The following CPE variants were observed in gnomAD, a reference collection of about 807,000 sequenced individuals.
CPE encodes the protein carbocypeptidase E.
CPE carries 17 observed loss-of-function variants against 53.5 expected under a neutral mutation model. The ratio of observed to expected loss-of-function variants is 0.32; its 90% CI spans 0.22 to 0.48. The LOEUF (loss-of-function observed/expected upper bound fraction) is 0.48. Among genes scored for constraint, CPE ranks in the 20% least tolerant of loss-of-function variants. The pLI is 0.99. For synonymous variants in CPE, 226 were observed against 228.8 expected, an observed-to-expected ratio of 0.99 and a Z score of 0.11; for missense variants, 524 against 614.7, an observed-to-expected ratio of 0.85 and a Z score of 1.56.
chr4:165,496,982 G>A (rs1732713623), intron 8 of CPE, among the ~76,000 whole-genome samples: 1 of 152,142 alleles, frequency 6.6e-6, no homozygotes, highest in Non-Finnish European at 1.5e-5. Flanking sequence ...GAGTGCAGTG[G>A]CACGATCTTG....
rs1579272844 is a variant in CPE, at chr4:165,462,309, A to G, written c.308-2081A>G. On this transcript the variant is annotated intron_variant, in intron 1 of 8. Transcript: ENST00000402744. ...TGGGGGCAAGTGTGGCTTAGTGACT[A>G]TGGGTTTGTTGTTTCTTCTTTAATT... 2.6e-5 allele frequency among the ~76,000 whole-genome samples: 4 copies of G among 152,270 alleles called. No homozygotes were observed. In the South Asian group the frequency reaches 6.2e-4, roughly 24 times the overall value.
intron 1 of CPE, among the ~76,000 whole-genome samples, chr4:165,430,979 C>CT (rs1415583765): frequency 6.6e-6 from 1 of 152,176 alleles, no homozygotes; most frequent in Non-Finnish European, 1.5e-5. Context: ...CTGCTCTTGT[C>CT]TTTTCCAATA....
At chr4:165,403,933 A>G in intron 1 of CPE, 1 of 510,990 alleles carries the variant, frequency 2.0e-6, no homozygotes, top group East Asian at 4.2e-5. Context: ...CACTTTAATC[A>G]GGGAGCAAAC....
At chr4:165,412,898 A>AT (rs1250999718) in intron 1 of CPE, among the ~76,000 whole-genome samples, 2 of 152,182 alleles carry the variant, frequency 1.3e-5, no homozygotes, top group African/African-American at 4.8e-5. Context: ...ATAACCAGTG[A>AT]TTTTCTCGAA....
intron 1 of CPE, among the ~76,000 whole-genome samples, chr4:165,400,103 A>T (rs1047198710): frequency 6.6e-6 from 1 of 152,226 alleles, no homozygotes; most frequent in Non-Finnish European, 1.5e-5. Context: ...ACAGAAATAG[A>T]TCACTTGTGC....
intron 1 of CPE, chr4:165,404,454 C>T: frequency 1.3e-6 from 1 of 769,848 alleles, no homozygotes; most frequent in East Asian, 2.4e-5. Context: ...ATGGAAAAGC[C>T]CTTCCCAGAC....
At chr4:165,454,937 CTCTT>C (rs1392307346) in intron 1 of CPE, among the ~76,000 whole-genome samples, 1 of 152,178 alleles carries the variant, frequency 6.6e-6, no homozygotes, top group Non-Finnish European at 1.5e-5. Context: ...CACAGCTTGT[CTCTT>C]AGATATCTTT....
chr4:165,457,126 C>A (rs1731916135), intron 1 of CPE, among the ~76,000 whole-genome samples: 1 of 152,152 alleles, frequency 6.6e-6, no homozygotes, highest in South Asian at 2.1e-4. Context: ...TTTGGAGAAA[C>A]CAGAAGCCAT....
Position 165,428,397 on chromosome 4 carries a change from G to A in CPE, c.308-35993G>A, listed in dbSNP as rs1381442430. On this transcript the variant is annotated intron_variant, in intron 1 of 8. Coordinates refer to ENST00000402744, the MANE Select transcript of CPE (RefSeq NM_001873.4). ...AAGGTTTAAGTACTCCAATATAGAA[G>A]CAACCAAATAATTGAATTGTTGCTC... is the stretch of plus-strand genomic sequence containing the variant. Among the ~76,000 whole-genome samples the A allele has an allele frequency of 4.0e-5, 6 of 151,418 alleles. No individual in the cohort carries two copies. In the East Asian group the frequency reaches 5.8e-4, roughly 15 times the overall value.
chr4:165,456,506 T>C (rs990645657), intron 1 of CPE, among the ~76,000 whole-genome samples: 3 of 151,636 alleles, frequency 2.0e-5, no homozygotes, highest in African/African-American at 7.3e-5. Flanking sequence ...AATTTCATCT[T>C]TCTTTCTTTG....
At chr4:165,391,572 C>T (rs983978618) in intron 1 of CPE, among the ~76,000 whole-genome samples, 21 of 152,060 alleles carry the variant, frequency 1.4e-4, no homozygotes, top group African/African-American at 4.6e-4. Flanking sequence ...TTTGGAAATT[C>T]CAGGTAGAAA....
At position 165,405,967 on chromosome 4, in the gene CPE, T is replaced by C. The variant is rs958719819; in HGVS notation, c.307+26439T>C. ...TTATGGACTTTTCAAGTTTCTCAAA[T>C]GTTCTCTGTGCTTCTTGTGGTATCT... is the stretch of plus-strand genomic sequence containing the variant. On this transcript the variant is annotated intron_variant, in intron 1 of 8. Coordinates refer to ENST00000402744, the MANE Select transcript of CPE (RefSeq NM_001873.4). 14 of 735,496 alleles carry C rather than the reference T, an allele frequency of 1.9e-5. No individual in the cohort carries two copies. In the African/African-American group the frequency reaches 2.4e-4, roughly 13 times the overall value. 45.6% of individuals were successfully genotyped at this position (735,496 alleles called of 1,614,324 possible). A position where few individuals can be genotyped will look rare whatever the true frequency, so the allele number is the denominator to read the frequency against.
At chr4:165,445,406 C>T (rs578206122) in intron 1 of CPE, among the ~76,000 whole-genome samples, 8 of 150,804 alleles carry the variant, frequency 5.3e-5, no homozygotes, top group East Asian at 1.9e-4. Flanking sequence ...ATACTAATTT[C>T]GCTTTTAGCT....
intron 1 of CPE, among the ~76,000 whole-genome samples, chr4:165,453,136 T>A (rs1163681989): frequency 6.6e-6 from 1 of 151,850 alleles, no homozygotes; most frequent in African/African-American, 2.4e-5. Flanking sequence ...ATTTTTTGTA[T>A]TTTAGTAGAG....
At chr4:165,438,774 G>A (rs781052149) in intron 1 of CPE, among the ~76,000 whole-genome samples, 1 of 152,182 alleles carries the variant, frequency 6.6e-6, no homozygotes, top group Non-Finnish European at 1.5e-5. Context: ...TTCTTTGACT[G>A]GGGCAATACT....
intron 1 of CPE, among the ~76,000 whole-genome samples, chr4:165,419,839 A>G (rs1731178500): frequency 1.3e-5 from 2 of 152,146 alleles, no homozygotes; most frequent in Non-Finnish European, 2.9e-5. Flanking sequence ...CAATCAACCA[A>G]CCAATCAACC....
At chr4:165,416,936 A>G (rs904091075) in intron 1 of CPE, among the ~76,000 whole-genome samples, 18 of 152,048 alleles carry the variant, frequency 1.2e-4, no homozygotes, top group African/African-American at 4.3e-4. Flanking sequence ...GGAATTTGGT[A>G]AAAAAGAGAA....
intron 1 of CPE, among the ~76,000 whole-genome samples, chr4:165,454,122 C>A (rs1460237362): frequency 6.6e-6 from 1 of 152,082 alleles, no homozygotes; most frequent in Admixed American, 6.5e-5. Context: ...CACAAATTTC[C>A]TGAAAATTAA....
rs563234793 is a variant in CPE, at chr4:165,405,977, G to T, written c.307+26449G>T. The T allele has an allele frequency of 3.2e-5, 24 of 740,308 alleles. No individual in the cohort carries two copies. In the East Asian group the frequency reaches 4.1e-4, roughly 13 times the overall value. The allele number at this position is 740,308 out of a possible 1,614,324, so 45.9% of individuals were successfully genotyped here. On this transcript the variant is annotated intron_variant, in intron 1 of 8. Transcript: ENST00000402744. ...TTCAAGTTTCTCAAATGTTCTCTGTGCTTCTTGTGGTATCTGTGTTACTTC... is the reference window on the plus strand; with the variant it reads ...TTCAAGTTTCTCAAATGTTCTCTGTTCTTCTTGTGGTATCTGTGTTACTTC...
Sources: allele counts gnomAD v4.1 joint callset (sites outside exome capture counted in the v4.1 genomes callset), GRCh38; gene constraint gnomAD v4.1.1; transcripts MANE v1.5; gene names NCBI Gene and HGNC (gene_info 2026-07-23, HGNC 2026-07-21).